The following CASR variants were observed in gnomAD, a reference collection of about 807,000 sequenced individuals.
CASR encodes the protein calcium sensing receptor.
CASR carries 23 observed loss-of-function variants against 69.1 expected under a neutral mutation model. The observed-to-expected ratio is 0.33, with a 90% CI of 0.24 to 0.47. The LOEUF (loss-of-function observed/expected upper bound fraction) is 0.47, where lower values mean the gene tolerates loss of function less well. Among genes scored for constraint, CASR ranks in the 20% least tolerant of loss-of-function variants. CASR has a pLI of 1.00. For synonymous variants in CASR, 541 were observed against 544.7 expected (o/e 0.99, Z 0.10); for missense variants, 924 against 1,356.1 (o/e 0.68, Z 5.00).
chr3:122,278,036 G>A (rs1393200), intron 5 of CASR, among the ~76,000 whole-genome samples: 85,628 of 152,020 alleles, frequency 0.56, 26,498 homozygotes, highest in Middle Eastern at 0.74. Flanking sequence ...TATTTTCTGT[G>A]CTGTTGTGGA....
At chr3:122,184,068 A>C (rs962886215) in intron 1 of CASR, among the ~76,000 whole-genome samples, 1 of 151,964 alleles carries the variant, frequency 6.6e-6, no homozygotes. Context: ...TCTGCTGGGG[A>C]CCCGAGCCGG....
chr3:122,279,645 ATTAACATTTAACAC>A (rs1280712898), intron 5 of CASR, among the ~76,000 whole-genome samples: 2 of 152,200 alleles, frequency 1.3e-5, no homozygotes, highest in Non-Finnish European at 2.9e-5. Context: ...AAAAGTATCT[ATTAACATTTAACAC>A]CTCTCAGGTT....
At chr3:122,230,308 G>A (rs1426639453) in intron 1 of CASR, among the ~76,000 whole-genome samples, 2 of 152,206 alleles carry the variant, frequency 1.3e-5, no homozygotes, top group Admixed American at 6.5e-5. Flanking sequence ...CAGGGAAAAC[G>A]CTCCTTTAGC....
chr3:122,261,396 A>G, intron 3 of CASR, 132 bp from the exon 4 acceptor site: 2 of 820,082 alleles, frequency 2.4e-6, no homozygotes, highest in South Asian at 1.3e-5. Context: ...CATCCTGTAT[A>G]CAGTGAACAG....
chr3:122,251,726 A>G (rs1390653126), intron 1 of CASR, among the ~76,000 whole-genome samples: 1 of 152,222 alleles, frequency 6.6e-6, no homozygotes, highest in Non-Finnish European at 1.5e-5. Context: ...CAAGAGTGGA[A>G]GGGTATTCAT....
In CASR at chr3:122,285,357, G is replaced by A. The variant is rs1576879536; in HGVS notation, c.*166G>A. 1.6e-6 allele frequency: 1 copy of A among 619,892 alleles called. No homozygotes were observed. Among genetic ancestry groups the A allele is most frequent in the East Asian group, 2.9e-5 (1 of 35,014 alleles). 38.4% of individuals were successfully genotyped at this position (619,892 alleles called of 1,614,324 possible). On this transcript the variant is annotated 3_prime_UTR_variant, in exon 7 of 7. Coordinates refer to ENST00000639785, the MANE Select transcript of CASR (RefSeq NM_000388.4). ...CTTAAATGACAGTGAATTGACCCAT[G>A]TTCCCTTTAAAATTAAAAAAAAGAA... is the stretch of plus-strand genomic sequence containing the variant.
At chr3:122,269,885 A>G (rs1329717661) in intron 4 of CASR, among the ~76,000 whole-genome samples, 1 of 152,134 alleles carries the variant, frequency 6.6e-6, no homozygotes, top group African/African-American at 2.4e-5. Flanking sequence ...TCTGTCACCC[A>G]GGATGGAGTA....
rs1169415376 is a variant in CASR, at chr3:122,284,801, C to T, written c.2847C>T (p.Thr949=). ...AAGAGCAGCAGCAGCAGCCCCTGAC[C>T]CTCCCACAGCAGCAACGATCTCAGC... ...TQQEQQQQPL[T]LPQQQRSQQQ... is the part of the protein sequence containing the mutation. The change falls in exon 7 of 7, where the codon ACC becomes ACT. Residue 949 remains threonine (T), a synonymous_variant. Transcript: ENST00000639785. The T allele has an allele frequency of 1.2e-6, 2 of 1,614,026 alleles. No homozygotes were observed. Among genetic ancestry groups the T allele is most frequent in the Non-Finnish European group, 1.7e-6 (2 of 1,180,032 alleles).
chr3:122,230,121 G>A (rs2074264919), intron 1 of CASR, among the ~76,000 whole-genome samples: 2 of 152,202 alleles, frequency 1.3e-5, no homozygotes, highest in African/African-American at 4.8e-5. Flanking sequence ...GCTCAGAAAT[G>A]TTTCTGGTGT....
At chr3:122,237,405 G>A (rs1013476175) in intron 1 of CASR, among the ~76,000 whole-genome samples, 7 of 152,084 alleles carry the variant, frequency 4.6e-5, no homozygotes, top group African/African-American at 1.2e-4. Context: ...ACACCTGGCC[G>A]AAGTGTCTTT....
At position 122,291,021 on chromosome 3, in the gene CASR, T is replaced by C. The variant is rs1243395411; in HGVS notation, c.*5830T>C. Reference sequence around the variant, plus strand: ...TGTATTAGTTTGCTGAGAATGATGGTTTCCAGCTTCATCCATGTCCCTACA... The same window carrying C: ...TGTATTAGTTTGCTGAGAATGATGGCTTCCAGCTTCATCCATGTCCCTACA... On this transcript the variant is annotated 3_prime_UTR_variant, in exon 7 of 7. Transcript: ENST00000639785. The C allele has an allele frequency of 2.6e-5, 4 of 151,388 alleles. No individual in the cohort carries two copies. The allele number at this position is 151,388 out of a possible 1,614,324, so 9.4% of individuals were successfully genotyped here.
rs148721982 is a variant in CASR at position 122,261,836 on chromosome 3, C to A, written c.801C>A (p.Ile267=). The change falls in exon 4 of 7, where the codon ATC becomes ATA. Residue 267 remains isoleucine (I), a synonymous_variant. Coordinates refer to ENST00000639785, the MANE Select transcript of CASR (RefSeq NM_000388.4). ...EVIQNSTAKV[I]VVFSSGPDLE... The stretch of plus-strand genomic sequence containing the variant: ...TTCAAAATTCCACGGCCAAAGTCAT[C>A]GTGGTTTTCTCCAGTGGCCCAGATC... 3.7e-6 allele frequency: 6 copies of A among 1,614,212 alleles called. No individual in the cohort carries two copies. The highest frequency in any genetic ancestry group is 3.3e-5 in the Admixed American group (2 of 60,020).
intron 1 of CASR, among the ~76,000 whole-genome samples, chr3:122,221,890 C>T (rs2074175462): frequency 6.6e-6 from 1 of 152,166 alleles, no homozygotes; most frequent in Non-Finnish European, 1.5e-5. Flanking sequence ...ACCTATTGCT[C>T]ACCTCCCTCT....
intron 4 of CASR, among the ~76,000 whole-genome samples, chr3:122,271,183 G>C (rs970772961): frequency 6.6e-6 from 1 of 152,226 alleles, no homozygotes; most frequent in East Asian, 1.9e-4. Context: ...GACACCTACA[G>C]GTTTAATATC....
At position 122,228,775 on chromosome 3, in the gene CASR, A is replaced by G. The variant is rs377171648; in HGVS notation, c.-242-25173A>G. Among the ~76,000 whole-genome samples the G allele has an allele frequency of 1.3e-4, 20 of 152,288 alleles. No individual in the cohort carries two copies. The East Asian group carries it at 1.7e-3, about 13-fold the overall frequency. On this transcript the variant is annotated intron_variant, in intron 1 of 6. Transcript: ENST00000639785. ...TTGCTGTAAGAGCTGAACTGAATCC[A>G]TGCTCACAGCTACCATGTTGAAAGG...
intron 5 of CASR, among the ~76,000 whole-genome samples, chr3:122,277,260 T>C (rs1196621301): frequency 6.6e-6 from 1 of 152,142 alleles, no homozygotes; most frequent in East Asian, 1.9e-4. Flanking sequence ...TTGGCCAGGC[T>C]GGTCACGAAC....
At chr3:122,276,765 TCTGAGTATCA>T (rs2074826605) in intron 5 of CASR, among the ~76,000 whole-genome samples, 1 of 152,242 alleles carries the variant, frequency 6.6e-6, no homozygotes, top group African/African-American at 2.4e-5. Context: ...TGCTTGTGTG[TCTGAGTATCA>T]CTGCAGCTAG....
chr3:122,282,843 A>C (rs575480748), intron 6 of CASR, among the ~76,000 whole-genome samples: 9 of 152,330 alleles, frequency 5.9e-5, no homozygotes, highest in African/African-American at 2.2e-4. Flanking sequence ...TGCTGCTCCC[A>C]TTTTATAAAT....
chr3:122,277,477 G>A (rs2107644909), intron 5 of CASR, among the ~76,000 whole-genome samples: 2 of 152,290 alleles, frequency 1.3e-5, no homozygotes, highest in East Asian at 1.9e-4. Context: ...GATTACCACT[G>A]GGAAGGTCTC....
Sources: gnomAD v4.1 joint callset for allele counts (sites outside exome capture counted in the v4.1 genomes callset) on GRCh38, gnomAD v4.1.1 for gene constraint, MANE v1.5 for transcripts, NCBI Gene and HGNC (gene_info 2026-07-23, HGNC 2026-07-21) for gene names.